CHST11: variants seen among roughly 807,000 people sequenced by gnomAD.
CHST11 encodes the protein carbohydrate sulfotransferase 11, also known as C4S-1.
CHST11 carries 9 observed loss-of-function variants against 30.4 expected under a neutral mutation model. The ratio of observed to expected loss-of-function variants is 0.30; its 90% CI spans 0.18 to 0.52. CHST11 has a LOEUF of 0.52. Among genes scored for constraint, CHST11 ranks in the 20% least tolerant of loss-of-function variants. CHST11 has a pLI of 0.97. For synonymous variants in CHST11, 152 were observed against 187.8 expected (o/e 0.81, Z 1.56); for missense variants, 348 against 460.6 (o/e 0.76, Z 2.24).
chr12:104,457,785 GTTTTTTT>G (rs35612022), intron 1 of CHST11, among the ~76,000 whole-genome samples: 14 of 137,684 alleles, frequency 1.0e-4, no homozygotes, highest in African/African-American at 3.2e-4. Context: ...AGGGGCGGTA[GTTTTTTT>G]TTTTTTTTTT....
chr12:104,613,985 A>G (rs1365166567), intron 2 of CHST11, among the ~76,000 whole-genome samples: 1 of 152,182 alleles, frequency 6.6e-6, no homozygotes, highest in Non-Finnish European at 1.5e-5. Context: ...CTTGATGACT[A>G]TGGTTAATAA....
intron 2 of CHST11, among the ~76,000 whole-genome samples, chr12:104,734,423 C>T (rs958346519): frequency 6.6e-6 from 1 of 152,128 alleles, no homozygotes; most frequent in Non-Finnish European, 1.5e-5. Flanking sequence ...ACCCCGGGCC[C>T]GTTGTATAGT....
intron 2 of CHST11, among the ~76,000 whole-genome samples, chr12:104,637,323 A>ACTC (rs2039334098): frequency 1.4e-5 from 1 of 72,018 alleles, no homozygotes; most frequent in Admixed American, 1.3e-4. Context: ...AAAAAAAAAA[A>ACTC]AAAAAAAAAA....
intron 2 of CHST11, among the ~76,000 whole-genome samples, chr12:104,681,576 A>G (rs895382512): frequency 6.6e-6 from 1 of 152,246 alleles, no homozygotes; most frequent in African/African-American, 2.4e-5. Context: ...CATAAATTAT[A>G]TCTCAAGCTG....
intron 1 of CHST11, among the ~76,000 whole-genome samples, chr12:104,545,926 G>A (rs1463037446): frequency 6.6e-6 from 1 of 152,004 alleles, no homozygotes; most frequent in Non-Finnish European, 1.5e-5. Context: ...TCCGGGCTCA[G>A]GTGATCCTCC....
chr12:104,645,628 C>T (rs1241320320), intron 2 of CHST11, among the ~76,000 whole-genome samples: 1 of 152,140 alleles, frequency 6.6e-6, no homozygotes, highest in African/African-American at 2.4e-5. Flanking sequence ...TGGTCCTGGC[C>T]TCCAAGGGCT....
intron 1 of CHST11, among the ~76,000 whole-genome samples, chr12:104,476,129 T>G (rs2037559011): frequency 7.2e-6 from 1 of 138,962 alleles, no homozygotes; most frequent in Admixed American, 7.3e-5. Flanking sequence ...ATATATAATA[T>G]AATATATTAT....
chr12:104,488,645 A>ATATG (rs2037712529), intron 1 of CHST11, among the ~76,000 whole-genome samples: 2 of 136,614 alleles, frequency 1.5e-5, no homozygotes, highest in Admixed American at 7.3e-5. Context: ...GTGCGTGTGT[A>ATATG]TGTGTGTGTG....
chr12:104,657,054 T>A (rs1035595987), intron 2 of CHST11, among the ~76,000 whole-genome samples: 9 of 152,100 alleles, frequency 5.9e-5, no homozygotes, highest in African/African-American at 2.2e-4. Flanking sequence ...ATTGGGAAAT[T>A]GAGTTGCTTA....
In CHST11 at chr12:104,565,258, A is replaced by ATT. The variant is rs66825272; in HGVS notation, c.119-36624_119-36623dup. 0.012 allele frequency among the ~76,000 whole-genome samples: 902 copies of ATT among 72,884 alleles called. 36 individuals are homozygous for ATT. In the East Asian group the frequency reaches 0.12, roughly 10 times the overall value. The allele number at this position is 72,884 out of a possible 152,430, so 47.8% of individuals were successfully genotyped here. A position where few individuals can be genotyped will look rare whatever the true frequency, so the allele number is the denominator to read the frequency against. Reference sequence around the variant, plus strand: ...CTGGGCAGCCTCCATGTTTTCTAGGATTTTTTTTTTTTTTTTTTTTTTTTT... The same window carrying ATT: ...CTGGGCAGCCTCCATGTTTTCTAGGATTTTTTTTTTTTTTTTTTTTTTTTTTT... On this transcript the variant is annotated intron_variant, in intron 1 of 2. Coordinates refer to ENST00000303694, the MANE Select transcript of CHST11 (RefSeq NM_018413.6).
intron 1 of CHST11, among the ~76,000 whole-genome samples, chr12:104,585,206 T>G (rs1393763064): frequency 6.6e-6 from 1 of 152,200 alleles, no homozygotes; most frequent in Non-Finnish European, 1.5e-5. Context: ...CTCACAGTAC[T>G]TGTTCAACAG....
At chr12:104,488,444 T>C (rs939558836) in intron 1 of CHST11, among the ~76,000 whole-genome samples, 2 of 151,808 alleles carry the variant, frequency 1.3e-5, no homozygotes, top group Non-Finnish European at 2.9e-5. Flanking sequence ...TGCATGTATG[T>C]ATGTGTGTAT....
At chr12:104,570,693 C>CTTTTTT (rs55750051) in intron 1 of CHST11, among the ~76,000 whole-genome samples, 2 of 141,378 alleles carry the variant, frequency 1.4e-5, no homozygotes, top group Non-Finnish European at 3.1e-5. Context: ...AGCCACTGCA[C>CTTTTTT]TTTTTTTTTT....
Position 104,597,549 on chromosome 12 carries a change from T to C in CHST11, c.119-4357T>C, listed in dbSNP as rs573118582. 8.5e-4 allele frequency among the ~76,000 whole-genome samples: 130 copies of C among 152,338 alleles called. 2 individuals carry two copies. The highest frequency in any genetic ancestry group is 3.0e-3 in the African/African-American group (123 of 41,576). On this transcript the variant is annotated intron_variant, in intron 1 of 2. Coordinates refer to ENST00000303694, the MANE Select transcript of CHST11 (RefSeq NM_018413.6). ...TATAGCAAGAACCAAACCTCTCTGATGCTCTTAAAGGAAGTGTTAAATCTT... is the reference window on the plus strand; with the variant it reads ...TATAGCAAGAACCAAACCTCTCTGACGCTCTTAAAGGAAGTGTTAAATCTT...
At chr12:104,618,800 C>T (rs370261420) in intron 2 of CHST11, among the ~76,000 whole-genome samples, 3 of 152,102 alleles carry the variant, frequency 2.0e-5, no homozygotes, top group African/African-American at 7.2e-5. Context: ...CCAGCCTATT[C>T]GGGGAGTTGC....
intron 2 of CHST11, among the ~76,000 whole-genome samples, chr12:104,630,226 C>T (rs1424359269): frequency 6.6e-6 from 1 of 152,180 alleles, no homozygotes. Context: ...GACATGTATA[C>T]CAGGAGCAGG....
rs370928205 is a variant in CHST11, at chr12:104,748,925, TGG to T, written c.205-8023_205-8022del. Among the ~76,000 whole-genome samples the T allele has an allele frequency of 5.2e-4, 79 of 152,302 alleles. No individual in the cohort carries two copies. In the South Asian group the frequency reaches 0.016, roughly 30 times the overall value. ...ATGTAGGCTCAAGTTTGAGAACCAC[TGG>T]CATGAAGTATGATTAGTACTCAGGG... is the stretch of plus-strand genomic sequence containing the variant. On this transcript the variant is annotated intron_variant, in intron 2 of 2. Coordinates refer to ENST00000303694, the MANE Select transcript of CHST11 (RefSeq NM_018413.6).
At chr12:104,526,956 G>A (rs549661610) in intron 1 of CHST11, among the ~76,000 whole-genome samples, 5 of 152,234 alleles carry the variant, frequency 3.3e-5, no homozygotes, top group Admixed American at 6.5e-5. Context: ...GGTCCTCAGC[G>A]GCCTGACTGC....
chr12:104,754,476 G>C (rs115569100), intron 2 of CHST11, among the ~76,000 whole-genome samples: 1,667 of 152,304 alleles, frequency 0.011, 33 homozygotes, highest in African/African-American at 0.039. Context: ...CAGGAGGCTG[G>C]ACAGGTCTTT....
Sources: gnomAD v4.1 joint callset for allele counts (sites outside exome capture counted in the v4.1 genomes callset) on GRCh38, gnomAD v4.1.1 for gene constraint, MANE v1.5 for transcripts, NCBI Gene and HGNC (gene_info 2026-07-23, HGNC 2026-07-21) for gene names.